The following LAMA2 variants were observed in gnomAD, a reference collection of about 807,000 sequenced individuals.
LAMA2 encodes laminin subunit alpha 2.
LAMA2 carries 269 observed loss-of-function variants against 364.8 expected under a neutral mutation model. The observed-to-expected ratio is 0.74, with a 90% CI of 0.67 to 0.82. The LOEUF (loss-of-function observed/expected upper bound fraction) is 0.82. LAMA2 is among the 40% of genes least tolerant of loss of function. LAMA2 has a pLI of 0.00. For missense variants in LAMA2, 3,807 were observed against 3,873.2 expected (o/e 0.98, Z 0.45); for synonymous variants, 1,379 against 1,370.6 (o/e 1.01, Z -0.14).
At chr6:129,257,374 T>C (rs1251909697) in intron 14 of LAMA2, among the ~76,000 whole-genome samples, 1 of 152,132 alleles carries the variant, frequency 6.6e-6, no homozygotes, top group Non-Finnish European at 1.5e-5. Context: ...AAGTTTCTCA[T>C]AGCTCAGAAT....
intron 61 of LAMA2, among the ~76,000 whole-genome samples, chr6:129,506,074 TG>T (rs1786045671): frequency 6.6e-6 from 1 of 152,012 alleles, no homozygotes; most frequent in South Asian, 2.1e-4. Flanking sequence ...GTGATTGGGT[TG>T]GGCATGGTGG....
At chr6:129,514,349 A>ACTGTT (rs1464060087) in intron 63 of LAMA2, 24 bp from the exon 64 acceptor site, 2 of 1,511,810 alleles carry the variant, frequency 1.3e-6, no homozygotes, top group Admixed American at 3.3e-5. Flanking sequence ...ACCATCTGTG[A>ACTGTT]CTGTTCTATT....
At chr6:129,123,567 A>T (rs1776936138) in intron 4 of LAMA2, among the ~76,000 whole-genome samples, 1 of 152,156 alleles carries the variant, frequency 6.6e-6, no homozygotes, top group African/African-American at 2.4e-5. Context: ...AAAGAAGGAA[A>T]TCCTGCCATT....
chr6:128,888,414 T>C (rs1582604815), intron 1 of LAMA2, among the ~76,000 whole-genome samples: 1 of 152,188 alleles, frequency 6.6e-6, no homozygotes, highest in East Asian at 1.9e-4. Flanking sequence ...ATGATGAATA[T>C]ATGATGAAGC....
intron 3 of LAMA2, among the ~76,000 whole-genome samples, chr6:129,068,911 G>A (rs922113681): frequency 2.0e-5 from 3 of 152,084 alleles, no homozygotes; most frequent in Non-Finnish European, 4.4e-5. Context: ...AGGGAAAAAA[G>A]GCCATACAAT....
At chr6:129,162,152 AC>A (rs1186704861) in intron 8 of LAMA2, among the ~76,000 whole-genome samples, 7 of 152,232 alleles carry the variant, frequency 4.6e-5, no homozygotes, top group African/African-American at 1.7e-4. Context: ...CTGCAACCTC[AC>A]CAGTATCTGT....
At chr6:129,416,508 C>G (rs1399210523) in intron 40 of LAMA2, among the ~76,000 whole-genome samples, 1 of 152,190 alleles carries the variant, frequency 6.6e-6, no homozygotes, top group Non-Finnish European at 1.5e-5. Context: ...TCAGGGCACA[C>G]AGCATGGTGA....
intron 56 of LAMA2, among the ~76,000 whole-genome samples, chr6:129,489,505 A>G (rs1443844370): frequency 6.6e-6 from 1 of 152,162 alleles, no homozygotes; most frequent in Non-Finnish European, 1.5e-5. Context: ...TACTGGACAA[A>G]AACATCAAAC....
intron 4 of LAMA2, among the ~76,000 whole-genome samples, chr6:129,103,276 T>C (rs1490694518): frequency 6.6e-6 from 1 of 152,220 alleles, no homozygotes; most frequent in Non-Finnish European, 1.5e-5. Flanking sequence ...AGAAGCGAAG[T>C]TGCACATGCA....
At chr6:129,478,659 T>C in intron 53 of LAMA2, 34 bp from the exon 54 acceptor site, 1 of 1,610,528 alleles carries the variant, frequency 6.2e-7, no homozygotes, top group South Asian at 1.1e-5. Context: ...ACCCTAATGA[T>C]ATTGCTTTTG....
At chr6:129,229,732 A>G (rs1405651531) in intron 12 of LAMA2, among the ~76,000 whole-genome samples, 1 of 152,162 alleles carries the variant, frequency 6.6e-6, no homozygotes, top group East Asian at 1.9e-4. Context: ...GTAATGCTGA[A>G]AAGATATGCT....
At chr6:129,256,763 CATATATATATATATATATATAT>C (rs199726173) in intron 14 of LAMA2, among the ~76,000 whole-genome samples, 9 of 87,960 alleles carry the variant, frequency 1.0e-4, no homozygotes, top group South Asian at 8.8e-4. Context: ...AATTATATAG[CATATATATATATATATATATAT>C]ATATATATAT....
intron 1 of LAMA2, among the ~76,000 whole-genome samples, chr6:128,941,224 A>G (rs1239666893): frequency 6.6e-6 from 1 of 152,186 alleles, no homozygotes; most frequent in Non-Finnish European, 1.5e-5. Flanking sequence ...ATTTACACTA[A>G]ATGACTTTAT....
chr6:129,413,350 G>C (rs1474140803), intron 40 of LAMA2, among the ~76,000 whole-genome samples: 1 of 151,984 alleles, frequency 6.6e-6, no homozygotes, highest in Non-Finnish European at 1.5e-5. Context: ...AATAGGGAAT[G>C]ATTTTACCAT....
intron 1 of LAMA2, among the ~76,000 whole-genome samples, chr6:128,976,392 C>G (rs1427634462): frequency 6.6e-6 from 1 of 152,118 alleles, no homozygotes; most frequent in African/African-American, 2.4e-5. Flanking sequence ...AGAACTCTAG[C>G]TGGTGATAAT....
At chr6:129,271,464 C>CTTTT (rs11287525) in intron 17 of LAMA2, among the ~76,000 whole-genome samples, 3 of 80,230 alleles carry the variant, frequency 3.7e-5, no homozygotes, top group Non-Finnish European at 5.3e-5. Flanking sequence ...AATTGGGATA[C>CTTTT]TTTTTTTTTT....
chr6:128,938,346 A>G (rs1244675934), intron 1 of LAMA2, among the ~76,000 whole-genome samples: 1 of 152,146 alleles, frequency 6.6e-6, no homozygotes, highest in Non-Finnish European at 1.5e-5. Context: ...TTTATGATTA[A>G]CTAATGTTTT....
intron 1 of LAMA2, among the ~76,000 whole-genome samples, chr6:128,943,566 T>G (rs941389394): frequency 6.6e-6 from 1 of 152,174 alleles, no homozygotes; most frequent in African/African-American, 2.4e-5. Context: ...ATGCTGAAAT[T>G]ATAGGCGTAA....
chr6:129,284,186 G>A (rs1467485378), intron 18 of LAMA2, among the ~76,000 whole-genome samples: 1 of 152,094 alleles, frequency 6.6e-6, no homozygotes, highest in Admixed American at 6.6e-5. Flanking sequence ...TAAGAACACA[G>A]CATTACAGCC....
Sources: gnomAD v4.1 joint callset for allele counts (sites outside exome capture counted in the v4.1 genomes callset) on GRCh38, gnomAD v4.1.1 for gene constraint, MANE v1.5 for transcripts, NCBI Gene and HGNC (gene_info 2026-07-23, HGNC 2026-07-21) for gene names.